Variants in PRIM2 observed in about 807,000 individuals in gnomAD.
The protein encoded by PRIM2 is DNA primase subunit 2.
Under a neutral mutation model 67.3 loss-of-function variants are expected in PRIM2, and 39 were observed. That is an observed-to-expected ratio of 0.58 (90% confidence interval 0.45 to 0.76). The LOEUF (loss-of-function observed/expected upper bound fraction) is 0.76. Among genes scored for constraint, PRIM2 ranks in the 30% least tolerant of loss-of-function variants. The probability of loss-of-function intolerance (pLI) is 0.00; values close to 1 mark genes in which losing one functional copy is unlikely to be tolerated. For synonymous variants in PRIM2, 143 were observed against 198.7 expected (o/e 0.72, Z 2.36); for missense variants, 398 against 598.7 (o/e 0.66, Z 3.50).
intron 7 of PRIM2, among the ~76,000 whole-genome samples, chr6:57,421,098 G>A (rs916994726): frequency 2.0e-5 from 3 of 152,162 alleles, no homozygotes; most frequent in Non-Finnish European, 4.4e-5. Flanking sequence ...ACTCAGAGAA[G>A]CTCAAAGATG....
chr6:57,416,813 C>T (rs570421189), intron 7 of PRIM2, among the ~76,000 whole-genome samples: 1 of 152,164 alleles, frequency 6.6e-6, no homozygotes. Context: ...TTTTCTTCTG[C>T]AGCTTCCCCA....
intron 4 of PRIM2, among the ~76,000 whole-genome samples, chr6:57,325,223 T>G (rs1767804983): frequency 6.6e-6 from 1 of 152,160 alleles, no homozygotes. Context: ...GTGTCTTTTA[T>G]TTGGCATTTA....
At chr6:57,590,766 C>G (rs1776269752) in intron 10 of PRIM2, among the ~76,000 whole-genome samples, 2 of 152,146 alleles carry the variant, frequency 1.3e-5, no homozygotes, top group Non-Finnish European at 2.9e-5. Flanking sequence ...TTCAGAAGAG[C>G]CTGACTAAAG....
chr6:57,637,639 G>C lies in PRIM2; in HGVS notation c.1299+5438G>C, dbSNP rs1473005962. 1.4e-3 allele frequency among the ~76,000 whole-genome samples: 209 copies of C among 152,096 alleles called. 4 individuals carry two copies. In the East Asian group the frequency reaches 0.019, roughly 14 times the overall value. On this transcript the variant is annotated intron_variant, in intron 13 of 13. Coordinates refer to ENST00000615550, the MANE Select transcript of PRIM2 (RefSeq NM_000947.5). ...AGTATCTGTAGTCGAATTGACAAGCGGAAGAACAGATATCAGAGATTGAAG... is the reference window on the plus strand; with the variant it reads ...AGTATCTGTAGTCGAATTGACAAGCCGAAGAACAGATATCAGAGATTGAAG...
chr6:57,311,883 C>A (rs568065609), upstream of PRIM2, among the ~76,000 whole-genome samples: 1 of 152,052 alleles, frequency 6.6e-6, no homozygotes, highest in Non-Finnish European at 1.5e-5. Flanking sequence ...AAAAACCAGT[C>A]AGGAGTGGCG....
At chr6:57,300,300 G>A in the PRIM2 span, among the ~76,000 whole-genome samples, 1 of 152,142 alleles carries the variant, frequency 6.6e-6, no homozygotes, top group South Asian at 2.1e-4. Context: ...CTTAGTCCAG[G>A]AACTTTAGCC....
intron 12 of PRIM2, 31 bp from the exon 13 acceptor site, chr6:57,632,102 T>G (rs1777044985): frequency 6.6e-7 from 1 of 1,505,170 alleles, no homozygotes; most frequent in African/African-American, 1.4e-5. Context: ...AATTTCTAAT[T>G]TTTATTTCTC....
chr6:57,275,021 G>C, the PRIM2 span, among the ~76,000 whole-genome samples: 1 of 150,290 alleles, frequency 6.7e-6, no homozygotes, highest in Admixed American at 6.6e-5. Flanking sequence ...TCCTGATCTC[G>C]TGATCCACCT....
Position 57,399,727 on chromosome 6 carries a change from G to A in PRIM2, c.693+17559G>A, listed in dbSNP as rs553510130. On this transcript the variant is annotated intron_variant, in intron 7 of 13. Coordinates refer to ENST00000615550, the MANE Select transcript of PRIM2 (RefSeq NM_000947.5). ...GTTGTTTCCTGACTTTTTAATGATC[G>A]CCATTCTAACTGGTGTGAGATGGTA... 6.2e-3 allele frequency among the ~76,000 whole-genome samples: 945 copies of A among 151,930 alleles called. 5 individuals are homozygous for A. Among genetic ancestry groups the A allele is most frequent in the Non-Finnish European group, 0.011 (716 of 67,958 alleles).
chr6:57,503,546 C>T (rs1160163181), intron 7 of PRIM2, among the ~76,000 whole-genome samples: 2 of 152,008 alleles, frequency 1.3e-5, no homozygotes, highest in Non-Finnish European at 1.5e-5. Context: ...GTCAGAAGTT[C>T]GAGACCAGCC....
At chr6:57,316,735 G>A (rs1451318985), upstream of PRIM2, among the ~76,000 whole-genome samples, 3 of 152,332 alleles carry the variant, frequency 2.0e-5, no homozygotes, top group Non-Finnish European at 4.4e-5. Flanking sequence ...CTTACAGACA[G>A]CGGAGAACTG....
intron 7 of PRIM2, among the ~76,000 whole-genome samples, chr6:57,479,669 A>G (rs1278696620): frequency 2.6e-5 from 4 of 152,218 alleles, no homozygotes; most frequent in African/African-American, 2.4e-5. Flanking sequence ...AGAACATTCA[A>G]ATGCGCCACT....
At chr6:57,492,004 T>C (rs1312932942) in intron 7 of PRIM2, among the ~76,000 whole-genome samples, 2 of 152,154 alleles carry the variant, frequency 1.3e-5, no homozygotes, top group African/African-American at 4.8e-5. Context: ...GGAATGGAAT[T>C]TTCTACTGCG....
chr6:57,364,002 G>T (rs1216587159), intron 5 of PRIM2, among the ~76,000 whole-genome samples: 8 of 145,416 alleles, frequency 5.5e-5, no homozygotes, highest in African/African-American at 2.0e-4. Context: ...TTCCCAGTTT[G>T]TTATTTCTAT....
the PRIM2 span, among the ~76,000 whole-genome samples, chr6:57,272,522 C>G: frequency 1.3e-5 from 2 of 152,164 alleles, no homozygotes; most frequent in Non-Finnish European, 2.9e-5. Context: ...ATGTGTGTCT[C>G]TACACATGAG....
At chr6:57,485,725 A>G (rs1348391946) in intron 7 of PRIM2, among the ~76,000 whole-genome samples, 115 of 152,326 alleles carry the variant, frequency 7.5e-4, no homozygotes, top group African/African-American at 2.6e-3. Context: ...TCTGGTTGGC[A>G]TTTAACGAGT....
chr6:57,319,392 AG>A (rs1767578137), intron 2 of PRIM2, among the ~76,000 whole-genome samples: 3 of 152,250 alleles, frequency 2.0e-5, no homozygotes, highest in Non-Finnish European at 4.4e-5. Flanking sequence ...TCAGAAGGAA[AG>A]GTGAGATACT....
chr6:57,580,331 G>T (rs1293222663), intron 10 of PRIM2, among the ~76,000 whole-genome samples: 3 of 152,152 alleles, frequency 2.0e-5, no homozygotes, highest in African/African-American at 7.2e-5. Context: ...AGTAGTGTAG[G>T]GGAGAAAAGA....
chr6:57,592,810 GT>G (rs1776304083), intron 10 of PRIM2, among the ~76,000 whole-genome samples: 3 of 151,836 alleles, frequency 2.0e-5, no homozygotes, highest in African/African-American at 7.3e-5. Flanking sequence ...AAAAATAGGA[GT>G]AATATTTAGT....
Sources: allele counts gnomAD v4.1 joint callset (sites outside exome capture counted in the v4.1 genomes callset), GRCh38; gene constraint gnomAD v4.1.1; transcripts MANE v1.5; gene names NCBI Gene and HGNC (gene_info 2026-07-23, HGNC 2026-07-21).